Variants in GRM3 observed in about 807,000 individuals in gnomAD.
The protein encoded by GRM3 is metabotropic glutamate receptor 3.
GRM3 carries 26 observed loss-of-function variants against 70.5 expected under a neutral mutation model. The observed-to-expected ratio is 0.37, with a 90% CI of 0.27 to 0.51. GRM3 has a LOEUF of 0.51. GRM3 is among the 20% of genes least tolerant of loss of function. The pLI is 0.93. For missense variants in GRM3, 859 were observed against 1,123.8 expected (o/e 0.76, Z 3.37); for synonymous variants, 443 against 434.9 (o/e 1.02, Z -0.23).
chr7:86,833,652 C>A (rs535568309), intron 3 of GRM3, among the ~76,000 whole-genome samples: 1 of 152,096 alleles, frequency 6.6e-6, no homozygotes, highest in East Asian at 1.9e-4. Flanking sequence ...CCATTGCGTT[C>A]GAAATAACCG....
At chr7:86,801,869 T>C (rs1446860884) in intron 3 of GRM3, among the ~76,000 whole-genome samples, 3 of 152,208 alleles carry the variant, frequency 2.0e-5, no homozygotes, top group Non-Finnish European at 1.5e-5. Flanking sequence ...ATTGGAACCG[T>C]AAAGTGTTGT....
At chr7:86,766,307 G>T (rs1040061264) in intron 2 of GRM3, among the ~76,000 whole-genome samples, 3 of 150,608 alleles carry the variant, frequency 2.0e-5, no homozygotes, top group African/African-American at 7.3e-5. Flanking sequence ...TTTGTTCAGA[G>T]ATAAAATACA....
intron 1 of GRM3, among the ~76,000 whole-genome samples, chr7:86,740,769 C>T (rs1297890163): frequency 2.6e-5 from 4 of 152,180 alleles, no homozygotes; most frequent in Non-Finnish European, 5.9e-5. Context: ...AGGCCCTTGG[C>T]AAGGACTTCC....
chr7:86,693,513 A>G (rs1794742290), intron 1 of GRM3, among the ~76,000 whole-genome samples: 1 of 152,242 alleles, frequency 6.6e-6, no homozygotes, highest in Admixed American at 6.5e-5. Flanking sequence ...TGGGTGATTA[A>G]AAGAAAAAGG....
intron 1 of GRM3, among the ~76,000 whole-genome samples, chr7:86,752,470 T>C (rs1796252545): frequency 6.6e-6 from 1 of 152,140 alleles, no homozygotes. Flanking sequence ...AGTTTAAAAG[T>C]TGAAAGCTAT....
At chr7:86,679,300 A>G (rs1026074056) in intron 1 of GRM3, among the ~76,000 whole-genome samples, 1 of 152,252 alleles carries the variant, frequency 6.6e-6, no homozygotes, top group South Asian at 2.1e-4. Context: ...AACAATATAC[A>G]TACACAAATA....
chr7:86,724,037 AG>A (rs1006056234), intron 1 of GRM3, among the ~76,000 whole-genome samples: 7 of 152,182 alleles, frequency 4.6e-5, no homozygotes, highest in Non-Finnish European at 8.8e-5. Flanking sequence ...TTCCTGGAAG[AG>A]GTGTTTTTGT....
Position 86,755,914 on chromosome 7 carries a change from T to C in GRM3, c.-140-9092T>C, listed in dbSNP as rs187814761. 2.0e-5 allele frequency among the ~76,000 whole-genome samples: 3 copies of C among 152,292 alleles called. No individual in the cohort carries two copies. The East Asian group carries it at 5.8e-4, about 29-fold the overall frequency. On this transcript the variant is annotated intron_variant, in intron 1 of 5. Transcript: ENST00000361669. ...TGTGACAAATATAGCTTTTATGAAA[T>C]TAAGCTAACAATATCTAATGTCTAG...
chr7:86,761,501 T>C (rs1172829664), intron 1 of GRM3, among the ~76,000 whole-genome samples: 2 of 152,144 alleles, frequency 1.3e-5, no homozygotes, highest in African/African-American at 4.8e-5. Context: ...AGGTAGGTAA[T>C]GAAGCAAAAA....
intron 1 of GRM3, among the ~76,000 whole-genome samples, chr7:86,704,748 T>G (rs2116122334): frequency 6.6e-6 from 1 of 152,060 alleles, no homozygotes; most frequent in South Asian, 2.1e-4. Context: ...TGAATACATT[T>G]ACATGGAAAT....
intron 1 of GRM3, among the ~76,000 whole-genome samples, chr7:86,712,678 T>C (rs1795225643): frequency 6.6e-6 from 1 of 152,008 alleles, no homozygotes; most frequent in African/African-American, 2.4e-5. Flanking sequence ...TGATCTATTC[T>C]CTATCTTCAG....
intron 4 of GRM3, among the ~76,000 whole-genome samples, chr7:86,847,382 C>T (rs1195599535): frequency 6.6e-6 from 1 of 152,126 alleles, no homozygotes; most frequent in Non-Finnish European, 1.5e-5. Flanking sequence ...GCCACTTAAA[C>T]AGTGACACTT....
intron 3 of GRM3, among the ~76,000 whole-genome samples, chr7:86,833,484 C>T (rs564267707): frequency 1.2e-4 from 18 of 152,196 alleles, no homozygotes; most frequent in African/African-American, 4.1e-4. Flanking sequence ...TTCTATTTTC[C>T]TAGTGAGTCA....
chr7:86,806,357 T>C (rs1024575530), intron 3 of GRM3, among the ~76,000 whole-genome samples: 1 of 152,226 alleles, frequency 6.6e-6, no homozygotes, highest in African/African-American at 2.4e-5. Flanking sequence ...TAGTTTATAG[T>C]CACACCAACA....
intron 1 of GRM3, among the ~76,000 whole-genome samples, chr7:86,664,579 T>A (rs1279433606): frequency 6.6e-6 from 1 of 151,976 alleles, no homozygotes; most frequent in Non-Finnish European, 1.5e-5. Context: ...CAAGCCAGTG[T>A]TGATGAATTT....
chr7:86,842,141 C>G (rs1016038017), intron 4 of GRM3, among the ~76,000 whole-genome samples: 14 of 152,126 alleles, frequency 9.2e-5, no homozygotes, highest in Non-Finnish European at 1.3e-4. Flanking sequence ...ATTGGCCTGG[C>G]CTGTGGCTTG....
At chr7:86,651,371 T>C (rs1793602423) in intron 1 of GRM3, among the ~76,000 whole-genome samples, 1 of 152,190 alleles carries the variant, frequency 6.6e-6, no homozygotes, top group Admixed American at 6.5e-5. Context: ...AGATAGCAGA[T>C]AGATTATTAG....
At chr7:86,777,026 C>T (rs1046083636) in intron 2 of GRM3, among the ~76,000 whole-genome samples, 1 of 152,110 alleles carries the variant, frequency 6.6e-6, no homozygotes, top group Non-Finnish European at 1.5e-5. Context: ...TAAGTACCTG[C>T]TAAATCTGGA....
chr7:86,699,555 A>G (rs750890289), intron 1 of GRM3, among the ~76,000 whole-genome samples: 13 of 152,072 alleles, frequency 8.5e-5, no homozygotes, highest in Admixed American at 5.9e-4. Flanking sequence ...CCTACAAGTC[A>G]TGGTATTATA....
Sources: gnomAD v4.1 joint callset for allele counts (sites outside exome capture counted in the v4.1 genomes callset) on GRCh38, gnomAD v4.1.1 for gene constraint, MANE v1.5 for transcripts, NCBI Gene and HGNC (gene_info 2026-07-23, HGNC 2026-07-21) for gene names.